CDK13: variants seen among roughly 807,000 people sequenced by gnomAD.
CDK13 encodes cyclin dependent kinase 13.
Under a neutral mutation model 137.6 loss-of-function variants are expected in CDK13, and 40 were observed. The ratio of observed to expected loss-of-function variants is 0.29; its 90% CI spans 0.23 to 0.38. CDK13 has a LOEUF of 0.38. Ranked by LOEUF, CDK13 falls within the 10% of genes least tolerant of loss-of-function variation. The probability of loss-of-function intolerance (pLI) is 1.00; values close to 1 mark genes in which losing one functional copy is unlikely to be tolerated. For synonymous variants in CDK13, 869 were observed against 760.1 expected, an observed-to-expected ratio of 1.14 and a Z score of -2.36; for missense variants, 1,704 against 1,951.8, an observed-to-expected ratio of 0.87 and a Z score of 2.39.
chr7:39,957,745 G>T (rs1018472824), intron 1 of CDK13, among the ~76,000 whole-genome samples: 11 of 152,124 alleles, frequency 7.2e-5, no homozygotes, highest in South Asian at 2.1e-4. Context: ...TTCTTGGTGC[G>T]TTTGAATTAA....
In CDK13 at chr7:39,988,087, A is replaced by G. The variant is rs770369397; in HGVS notation, c.1700A>G (p.Glu567Gly). ...AAGAAAGCAGTCATAGTTGGAAAGG[A>G]GAGTAAATCTGCTGCTACAAAGGAG... is the stretch of plus-strand genomic sequence containing the variant. Reference protein sequence around the residue: ...ATKKAVIVGKESKSAATKEES... With the variant: ...ATKKAVIVGKGSKSAATKEES... Residue 567 changes from glutamate (E) to glycine (G), a missense_variant, in exon 2 of 14, where the codon GAG (glutamate) becomes GGG (glycine). This residue lies in a region of CDK13 where 1,051 missense variants were observed against 931.0 expected (regional missense o/e 1.13). Coordinates refer to ENST00000181839, the MANE Select transcript of CDK13 (RefSeq NM_003718.5). The G allele has an allele frequency of 1.2e-5, 19 of 1,614,052 alleles. 1 individual carries two copies. The Admixed American group carries it at 2.8e-4, about 24-fold the overall frequency.
intron 5 of CDK13, among the ~76,000 whole-genome samples, chr7:40,034,348 G>A (rs371762371): frequency 5.3e-5 from 8 of 152,142 alleles, no homozygotes; most frequent in African/African-American, 1.9e-4. Context: ...ATGGCTTTAC[G>A]AAGAGTTGTT....
intron 1 of CDK13, among the ~76,000 whole-genome samples, chr7:39,962,672 A>C (rs1011380013): frequency 9.9e-5 from 15 of 152,198 alleles, no homozygotes; most frequent in South Asian, 2.1e-4. Context: ...TTCTGTTGCC[A>C]TTGCTTTTGG....
Position 39,951,376 on chromosome 7 carries a change from C to G in CDK13, c.735C>G (p.Val245=). The G allele has an allele frequency of 1.3e-6, 2 of 1,519,112 alleles. No homozygotes were observed. Among genetic ancestry groups the G allele is most frequent in the Non-Finnish European group, 1.8e-6 (2 of 1,137,940 alleles). The allele number at this position is 1,519,112 out of a possible 1,614,324, so 94.1% of individuals were successfully genotyped here. ...HSHSGEERAE[V]AKSGSSSSSG... is the part of the protein sequence containing the mutation. ...ACAGCGGCGAGGAACGGGCCGAGGT[C>G]GCCAAGAGCGGCAGCAGCAGCAGCA... is the stretch of plus-strand genomic sequence containing the variant. The change falls in exon 1 of 14, where the codon GTC becomes GTG. Residue 245 remains valine (V), a synonymous_variant. Coordinates refer to ENST00000181839, the MANE Select transcript of CDK13 (RefSeq NM_003718.5).
Position 39,999,398 on chromosome 7 carries a change from G to T in CDK13, c.2080G>T (p.Asp694Tyr), listed in dbSNP as rs765717371. The change falls in exon 4 of 14, where the codon GAT (aspartate) becomes TAT (tyrosine). Residue 694 changes from aspartate (D) to tyrosine (Y), a missense_variant. Around this residue, in one of 5 missense-constraint regions of CDK13, gnomAD observed 130 missense variants for 362.4 expected, o/e 0.36. Transcript: ENST00000181839. ...GPRYGETKEK[D>Y]IDWGKRCVDK... The stretch of plus-strand genomic sequence containing the variant: ...TCGCTATGGTGAAACCAAAGAAAAA[G>T]ATATTGACTGGGGAAAACGCTGCGT... The T allele has an allele frequency of 8.7e-6, 14 of 1,612,810 alleles. No homozygotes were observed. The highest frequency in any genetic ancestry group is 2.2e-5 in the East Asian group (1 of 44,800).
At chr7:40,057,864 CAG>C (rs975921159) in intron 7 of CDK13, among the ~76,000 whole-genome samples, 10 of 152,124 alleles carry the variant, frequency 6.6e-5, no homozygotes, top group African/African-American at 2.2e-4. Context: ...AGGAGAAAAA[CAG>C]GAGTTCAAAT....
intron 2 of CDK13, among the ~76,000 whole-genome samples, chr7:39,997,265 C>T (rs1784584795): frequency 6.6e-6 from 1 of 152,044 alleles, no homozygotes; most frequent in Non-Finnish European, 1.5e-5. Flanking sequence ...CTACTTTATA[C>T]AGATTTCCTT....
intron 4 of CDK13, 105 bp downstream of exon 4, chr7:39,999,605 A>G: frequency 6.3e-6 from 7 of 1,107,154 alleles, no homozygotes; most frequent in South Asian, 3.2e-5. Context: ...ATTAAATTCA[A>G]TTTTATTGTG....
At chr7:39,979,664 G>A (rs746815235) in intron 1 of CDK13, among the ~76,000 whole-genome samples, 5 of 152,150 alleles carry the variant, frequency 3.3e-5, no homozygotes, top group Non-Finnish European at 5.9e-5. Flanking sequence ...CAGGTGCCAT[G>A]CCCTAATCTT....
rs1785579211 is a variant in CDK13 at position 40,040,353 on chromosome 7, AT to A, written c.2354-5482del. Among the ~76,000 whole-genome samples, 5 of 152,202 alleles carry A rather than the reference AT, an allele frequency of 3.3e-5. No individual in the cohort carries two copies. The South Asian group carries it at 8.3e-4, about 25-fold the overall frequency. On this transcript the variant is annotated intron_variant, in intron 5 of 13. Transcript: ENST00000181839. ...TATCATATAGTAAAGGTCCATATGT[AT>A]GTGGATATATTTCTGAATTTTCTGT...
intron 9 of CDK13, among the ~76,000 whole-genome samples, chr7:40,065,232 T>C (rs1786254910): frequency 6.6e-6 from 1 of 152,002 alleles, no homozygotes; most frequent in Non-Finnish European, 1.5e-5. Flanking sequence ...TGAAATACTA[T>C]AGGCTAAATT....
At chr7:40,053,934 T>G (rs771059575) in intron 7 of CDK13, among the ~76,000 whole-genome samples, 5 of 152,174 alleles carry the variant, frequency 3.3e-5, no homozygotes, top group Non-Finnish European at 5.9e-5. Context: ...TTTAGAAAAT[T>G]TAAGTGCATT....
At chr7:40,003,206 A>ACACACACACTCTCTCTCT (rs374470130) in intron 5 of CDK13, among the ~76,000 whole-genome samples, 6 of 79,864 alleles carry the variant, frequency 7.5e-5, no homozygotes, top group African/African-American at 1.9e-4. Context: ...ACACACACAC[A>ACACACACACTCTCTCTCT]CTCTCTCTCT....
chr7:40,019,059 G>C (rs1423067360), intron 5 of CDK13, among the ~76,000 whole-genome samples: 1 of 152,164 alleles, frequency 6.6e-6, no homozygotes, highest in East Asian at 1.9e-4. Flanking sequence ...TATATACATT[G>C]TGTAAAAGTT....
intron 5 of CDK13, among the ~76,000 whole-genome samples, chr7:40,022,328 A>G (rs1250106298): frequency 2.6e-5 from 4 of 152,114 alleles, no homozygotes; most frequent in African/African-American, 9.7e-5. Flanking sequence ...GCATGTATCA[A>G]TTTTTAGGTT....
Position 40,094,342 on chromosome 7 carries a change from G to T in CDK13, c.3901G>T (p.Ala1301Ser). 1 of 1,613,880 alleles carries T rather than the reference G, an allele frequency of 6.2e-7. No individual in the cohort carries two copies. Among genetic ancestry groups the T allele is most frequent in the Non-Finnish European group, 8.5e-7 (1 of 1,179,934 alleles). Residue 1301 changes from alanine (A) to serine (S), a missense_variant, in exon 14 of 14, where the codon GCC becomes TCC. Around this residue, in one of 5 missense-constraint regions of CDK13, gnomAD observed 475 missense variants for 579.3 expected, o/e 0.82. Coordinates refer to ENST00000181839, the MANE Select transcript of CDK13 (RefSeq NM_003718.5). ...LTDPHAGVKA[A>S]LLQLLAQHQP... ...TGACCCTCATGCCGGAGTGAAGGCAGCCCTGTTACAGCTGCTTGCTCAGCA... is the reference window on the plus strand; with the variant it reads ...TGACCCTCATGCCGGAGTGAAGGCATCCCTGTTACAGCTGCTTGCTCAGCA...
chr7:39,966,977 T>C (rs907609302), intron 1 of CDK13, among the ~76,000 whole-genome samples: 4 of 152,158 alleles, frequency 2.6e-5, no homozygotes, highest in African/African-American at 9.7e-5. Context: ...CTGTAAGTTT[T>C]GTGTCAGAGG....
intron 1 of CDK13, chr7:39,985,653 A>G (rs1276493792): frequency 6.6e-6 from 1 of 152,156 alleles, no homozygotes; most frequent in Non-Finnish European, 1.5e-5. Flanking sequence ...CAGTGTGTTA[A>G]TGTGTTAACC....
In CDK13 at chr7:39,976,323, T is replaced by TCTCTCTCTCTCACACACA; in HGVS notation, c.1212-11275_1212-11274insTCTCTCTCTCACACACAC. 4.0e-3 allele frequency among the ~76,000 whole-genome samples: 160 copies of TCTCTCTCTCTCACACACA among 39,566 alleles called. 5 individuals carry two copies. Among genetic ancestry groups the TCTCTCTCTCTCACACACA allele is most frequent in the African/African-American group, 6.1e-3 (89 of 14,606 alleles). 26.0% of individuals were successfully genotyped at this position (39,566 alleles called of 152,430 possible). A position where few individuals can be genotyped will look rare whatever the true frequency, so the allele number is the denominator to read the frequency against. On this transcript the variant is annotated intron_variant, in intron 1 of 13. Transcript: ENST00000181839. ...CTCTCTCTCTCTCTCTCTCTCTCTC[T>TCTCTCTCTCTCACACACA]CACACACACACACACACACACACAC...
Sources: gnomAD v4.1 joint callset for allele counts (sites outside exome capture counted in the v4.1 genomes callset) on GRCh38, gnomAD v4.1.1 for gene constraint, gnomAD v4.1.1 regional missense constraint, MANE v1.5 for transcripts, NCBI Gene and HGNC (gene_info 2026-07-23, HGNC 2026-07-21) for gene names.